Variants in SPTBN1 observed in about 807,000 individuals in gnomAD.
The protein encoded by SPTBN1 is spectrin beta, non-erythrocytic 1.
In SPTBN1, 32 loss-of-function variants were observed where a neutral mutation model predicts 266.4. That is an observed-to-expected ratio of 0.12 (90% confidence interval 0.09 to 0.16). The LOEUF (loss-of-function observed/expected upper bound fraction) is 0.16. Among genes scored for constraint, SPTBN1 ranks in the 10% least tolerant of loss-of-function variants. The pLI, the probability that SPTBN1 is intolerant of heterozygous loss-of-function variation, is 1.00. For missense variants in SPTBN1, 2,296 were observed against 3,067.1 expected (o/e 0.75, Z 5.94); for synonymous variants, 1,336 against 1,162.2 (o/e 1.15, Z -3.04).
intron 24 of SPTBN1, 119 bp downstream of exon 24, chr2:54,647,380 C>CT: frequency 7.3e-7 from 1 of 1,375,680 alleles, no homozygotes; most frequent in South Asian, 1.4e-5. Context: ...TAAGGCAAAT[C>CT]TTTGAGAAGC....
intron 1 of SPTBN1, among the ~76,000 whole-genome samples, chr2:54,517,771 G>C (rs1433107935): frequency 6.6e-6 from 1 of 151,690 alleles, no homozygotes; most frequent in Non-Finnish European, 1.5e-5. Flanking sequence ...TCAGCCTCCT[G>C]AGTAGCTGGG....
Position 54,631,580 on chromosome 2 carries a change from C to G in SPTBN1, c.3533C>G (p.Thr1178Arg), listed in dbSNP as rs878944023. Residue 1178 changes from threonine (T) to arginine (R), a missense_variant, in exon 16 of 36, where the codon ACG (threonine) becomes AGG (arginine). This residue lies in a region of SPTBN1 where 386 missense variants were observed against 486.1 expected (regional missense o/e 0.79). Transcript: ENST00000356805. The stretch of plus-strand genomic sequence containing the variant: ...GCCTACCAGCAGTTCCTCAGAGACA[C>G]GAAGCAAGCCGAAGCCTTTCTTAAC... Reference protein sequence around the residue: ...SHAYQQFLRDTKQAEAFLNNQ... With the variant: ...SHAYQQFLRDRKQAEAFLNNQ... The G allele has an allele frequency of 8.1e-6, 13 of 1,612,660 alleles. No individual in the cohort carries two copies. The highest frequency in any genetic ancestry group is 4.0e-5 in the African/African-American group (3 of 74,932).
At chr2:54,495,435 T>G (rs1668915999) in intron 1 of SPTBN1, among the ~76,000 whole-genome samples, 1 of 152,220 alleles carries the variant, frequency 6.6e-6, no homozygotes, top group African/African-American at 2.4e-5. Context: ...TAGACAGTTC[T>G]GCGTTGTCCA....
At chr2:54,510,771 A>C (rs1338751163) in intron 1 of SPTBN1, among the ~76,000 whole-genome samples, 1 of 152,214 alleles carries the variant, frequency 6.6e-6, no homozygotes, top group Non-Finnish European at 1.5e-5. Flanking sequence ...GATTTTAAAG[A>C]AATTCAGAGT....
chr2:54,551,869 T>A (rs1400717789), intron 2 of SPTBN1, among the ~76,000 whole-genome samples: 1 of 152,192 alleles, frequency 6.6e-6, no homozygotes, highest in Non-Finnish European at 1.5e-5. Flanking sequence ...CTATCAAATC[T>A]GACAGCCCCA....
At chr2:54,485,173 C>T (rs527425711) in intron 1 of SPTBN1, among the ~76,000 whole-genome samples, 7 of 151,664 alleles carry the variant, frequency 4.6e-5, no homozygotes, top group Admixed American at 3.3e-4. Flanking sequence ...CCTCTCCCTC[C>T]GTCTCCCTCT....
At chr2:54,622,995 A>G (rs761187821) in intron 9 of SPTBN1, among the ~76,000 whole-genome samples, 33 of 152,176 alleles carry the variant, frequency 2.2e-4, no homozygotes, top group Non-Finnish European at 2.5e-4. Context: ...ATTTTTTTTC[A>G]TATCTTTTTT....
At chr2:54,519,084 C>T (rs942039500) in intron 1 of SPTBN1, among the ~76,000 whole-genome samples, 5 of 152,148 alleles carry the variant, frequency 3.3e-5, no homozygotes, top group African/African-American at 1.2e-4. Context: ...GTATATGTTT[C>T]AGGCGTTGTG....
At chr2:54,629,871 C>T (rs1678617802) in intron 14 of SPTBN1, 21 bp from the exon 15 acceptor site, 2 of 1,613,846 alleles carry the variant, frequency 1.2e-6, no homozygotes, top group South Asian at 2.2e-5. Flanking sequence ...AGGTGACCAC[C>T]CTGTCAAATT....
At chr2:54,486,096 T>TG (rs767941061) in intron 1 of SPTBN1, among the ~76,000 whole-genome samples, 11 of 126,076 alleles carry the variant, frequency 8.7e-5, no homozygotes, top group East Asian at 4.9e-4. Context: ...GGGAGGGAGG[T>TG]GGGGGGGTCA....
At chr2:54,461,914 A>G (rs749106077) in intron 1 of SPTBN1, among the ~76,000 whole-genome samples, 1 of 152,188 alleles carries the variant, frequency 6.6e-6, no homozygotes, top group Non-Finnish European at 1.5e-5. Context: ...TAGCAGAGTC[A>G]TAATCAGTAT....
chr2:54,567,489 C>T (rs189548611), intron 2 of SPTBN1, among the ~76,000 whole-genome samples: 18 of 139,158 alleles, frequency 1.3e-4, no homozygotes, highest in Non-Finnish European at 2.1e-4. Context: ...TACAGGCATG[C>T]ACCACCCACC....
rs1454587418 is a variant in SPTBN1, at chr2:54,628,698, T to G, written c.1799-235T>G. 6.6e-6 allele frequency among the ~76,000 whole-genome samples: 1 copy of G among 152,234 alleles called. No individual in the cohort carries two copies. The highest frequency in any genetic ancestry group is 6.5e-5 in the Admixed American group (1 of 15,284). On this transcript the variant is annotated intron_variant, in intron 13 of 35. Coordinates refer to ENST00000356805, the MANE Select transcript of SPTBN1 (RefSeq NM_003128.3). This position sits in a 1 kb window ranked among gnomAD's most constrained non-coding sequence, Gnocchi z 4.3. ...ATTCAAGTGCTTTCTTGCAGGAGGA[T>G]GATCACTTTGTCTGCGGTTTGGCCA...
chr2:54,564,302 C>G (rs1045376012), intron 2 of SPTBN1, among the ~76,000 whole-genome samples: 1 of 152,148 alleles, frequency 6.6e-6, no homozygotes, highest in Admixed American at 6.5e-5. Context: ...GAGAGTCAGC[C>G]TAAAATCTCC....
At chr2:54,604,698 G>A (rs1676720013) in intron 3 of SPTBN1, among the ~76,000 whole-genome samples, 1 of 152,210 alleles carries the variant, frequency 6.6e-6, no homozygotes, top group Non-Finnish European at 1.5e-5. Context: ...GAGCGAGAAA[G>A]AAGATGGGCC....
intron 2 of SPTBN1, among the ~76,000 whole-genome samples, chr2:54,536,907 C>A (rs1671639950): frequency 6.6e-6 from 1 of 152,158 alleles, no homozygotes; most frequent in South Asian, 2.1e-4. Context: ...GTGGCACACA[C>A]CTATAGTCCC....
rs148708011 is a variant in SPTBN1 at position 54,664,583 on chromosome 2, G to T, written c.6551G>T (p.Ser2184Ile). Residue 2184 changes from serine (S) to isoleucine (I), a missense_variant, in exon 33 of 36, where the codon AGT becomes ATT. By Grantham distance (142) the Ser-to-Ile change is moderately radical. Transcript: ENST00000356805. The surrounding 1 kb of genome is among the most constrained non-coding windows in gnomAD (Gnocchi z 5.6). ...GCCAAGACTGCCCTCCCAGCCCAGA[G>T]TGCCGCCACCTTACCAGCCAGAACC... ...RKAKTALPAQ[S>I]AATLPARTQE... 3 of 1,614,050 alleles carry T rather than the reference G, an allele frequency of 1.9e-6. No individual in the cohort carries two copies. The highest frequency in any genetic ancestry group is 2.5e-6 in the Non-Finnish European group (3 of 1,180,036).
intron 2 of SPTBN1, among the ~76,000 whole-genome samples, chr2:54,569,973 C>CT (rs1474036947): frequency 7.4e-6 from 1 of 134,750 alleles, no homozygotes; most frequent in Non-Finnish European, 1.5e-5. Context: ...GAAACCATTC[C>CT]CCCCCCCCTT....
intron 2 of SPTBN1, among the ~76,000 whole-genome samples, chr2:54,553,910 A>G (rs1325521957): frequency 6.6e-6 from 1 of 152,214 alleles, no homozygotes; most frequent in African/African-American, 2.4e-5. Context: ...TAGAACAAAC[A>G]GAGGCTTAAT....
Sources: gnomAD v4.1 joint callset for allele counts (sites outside exome capture counted in the v4.1 genomes callset) on GRCh38, gnomAD v4.1.1 for gene constraint, gnomAD v4.1.1 regional missense constraint, Gnocchi (gnomAD v3.1) non-coding constraint, MANE v1.5 for transcripts, NCBI Gene and HGNC (gene_info 2026-07-23, HGNC 2026-07-21) for gene names.